Variants in GPC5 observed in about 807,000 individuals in gnomAD.
GPC5 encodes glypican 5.
GPC5 carries 47 observed loss-of-function variants against 53.9 expected under a neutral mutation model. The ratio of observed to expected loss-of-function variants is 0.87; its 90% confidence interval spans 0.69 to 1.11. The LOEUF is 1.11. GPC5 is among the 50% of genes most tolerant of loss of function. GPC5 has a pLI of 0.00. For synonymous variants in GPC5, 286 were observed against 263.3 expected, an observed-to-expected ratio of 1.09 and a Z score of -0.84; for missense variants, 748 against 713.1, an observed-to-expected ratio of 1.05 and a Z score of -0.56.
chr13:91,974,275 T>C (rs996583596), intron 6 of GPC5, among the ~76,000 whole-genome samples: 7 of 152,134 alleles, frequency 4.6e-5, no homozygotes, highest in Non-Finnish European at 1.0e-4. Flanking sequence ...CCAGGGCAAT[T>C]AGGCAGGAGA....
At chr13:91,532,552 A>G (rs1886399525) in intron 2 of GPC5, among the ~76,000 whole-genome samples, 1 of 152,136 alleles carries the variant, frequency 6.6e-6, no homozygotes, top group African/African-American at 2.4e-5. Flanking sequence ...TTAGTTGGTA[A>G]GGAAAAATAA....
intron 7 of GPC5, among the ~76,000 whole-genome samples, chr13:92,654,360 A>G (rs1886057854): frequency 6.6e-6 from 1 of 152,200 alleles, no homozygotes; most frequent in Admixed American, 6.5e-5. Context: ...TGTCAGATAG[A>G]GTCCTTATTC....
chr13:91,415,051 G>GT (rs1878089756), intron 1 of GPC5, among the ~76,000 whole-genome samples: 1 of 152,172 alleles, frequency 6.6e-6, no homozygotes, highest in African/African-American at 2.4e-5. Flanking sequence ...CCTATCCACT[G>GT]TTTCCTACCT....
chr13:91,650,566 GAAAAGTA>G (rs1278468760), intron 2 of GPC5, among the ~76,000 whole-genome samples: 1 of 151,906 alleles, frequency 6.6e-6, no homozygotes, highest in Non-Finnish European at 1.5e-5. Context: ...AAACTTTGAA[GAAAAGTA>G]AAATTTCCTG....
At chr13:91,665,505 C>CTTTT (rs371605806) in intron 2 of GPC5, among the ~76,000 whole-genome samples, 270 of 146,090 alleles carry the variant, frequency 1.8e-3, no homozygotes, top group African/African-American at 6.9e-3. Flanking sequence ...AAAAGCCAGT[C>CTTTT]TTTTTTTTTT....
chr13:91,715,747 GTT>G (rs35613083), intron 3 of GPC5, among the ~76,000 whole-genome samples: 3 of 100,134 alleles, frequency 3.0e-5, no homozygotes, highest in African/African-American at 7.3e-5. Context: ...TCTTGAAGTT[GTT>G]TTTTTTTTTT....
chr13:92,629,314 G>A (rs1187853005), intron 7 of GPC5, among the ~76,000 whole-genome samples: 1 of 152,206 alleles, frequency 6.6e-6, no homozygotes, highest in East Asian at 1.9e-4. Flanking sequence ...AGACAAGGGT[G>A]TTGAAGATAT....
At chr13:91,437,521 C>G (rs914198235) in intron 1 of GPC5, among the ~76,000 whole-genome samples, 3 of 152,206 alleles carry the variant, frequency 2.0e-5, no homozygotes, top group Non-Finnish European at 2.9e-5. Context: ...GGCCCCCACT[C>G]TCTTCTGGCT....
chr13:92,616,065 C>A (rs1423928378), intron 7 of GPC5, among the ~76,000 whole-genome samples: 1 of 152,046 alleles, frequency 6.6e-6, no homozygotes, highest in African/African-American at 2.4e-5. Context: ...AAAAATCAAA[C>A]AAACAAACAA....
At chr13:92,663,100 A>G (rs542756698) in intron 7 of GPC5, among the ~76,000 whole-genome samples, 3 of 152,302 alleles carry the variant, frequency 2.0e-5, no homozygotes, top group African/African-American at 7.2e-5. Flanking sequence ...TGGGATTTGC[A>G]AAGTCCTGTG....
intron 7 of GPC5, among the ~76,000 whole-genome samples, chr13:92,663,436 A>G (rs1327793846): frequency 6.6e-6 from 1 of 151,600 alleles, no homozygotes; most frequent in African/African-American, 2.4e-5. Flanking sequence ...TATCTAGTTT[A>G]TCTGTCAAAG....
intron 7 of GPC5, among the ~76,000 whole-genome samples, chr13:92,312,075 G>T (rs1051732178): frequency 6.6e-6 from 1 of 152,090 alleles, no homozygotes; most frequent in African/African-American, 2.4e-5. Flanking sequence ...AAAGGGTTTT[G>T]ATCTTTATTT....
intron 5 of GPC5, among the ~76,000 whole-genome samples, chr13:91,840,738 C>G (rs1482815475): frequency 3.3e-5 from 5 of 149,722 alleles, no homozygotes; most frequent in African/African-American, 1.2e-4. Context: ...ACATAAGTTC[C>G]TATTTTTATT....
At chr13:91,423,800 T>C (rs1009446739) in intron 1 of GPC5, among the ~76,000 whole-genome samples, 2 of 152,260 alleles carry the variant, frequency 1.3e-5, no homozygotes, top group African/African-American at 4.8e-5. Context: ...TATTCCACAA[T>C]GTATACAGGT....
intron 6 of GPC5, among the ~76,000 whole-genome samples, chr13:92,110,113 T>G (rs2041545207): frequency 6.6e-6 from 1 of 152,178 alleles, no homozygotes; most frequent in Non-Finnish European, 1.5e-5. Context: ...TGGGAAAAGC[T>G]GCAGACTGAC....
chr13:92,833,735 T>C (rs1278014897), intron 7 of GPC5, among the ~76,000 whole-genome samples: 1 of 152,148 alleles, frequency 6.6e-6, no homozygotes, highest in Non-Finnish European at 1.5e-5. Flanking sequence ...GACAAGGAGA[T>C]CACAGACAGC....
chr13:91,672,477 T>C (rs2139681440), intron 2 of GPC5, among the ~76,000 whole-genome samples: 1 of 151,834 alleles, frequency 6.6e-6, no homozygotes, highest in South Asian at 2.1e-4. Flanking sequence ...AACAAACATA[T>C]GAAGAAAAGC....
At chr13:92,531,268 T>G (rs1881554533) in intron 7 of GPC5, among the ~76,000 whole-genome samples, 1 of 152,142 alleles carries the variant, frequency 6.6e-6, no homozygotes. Flanking sequence ...GTAAGAATAT[T>G]GTCACAACAG....
chr13:92,416,680 G>A (rs1304594295), intron 7 of GPC5, among the ~76,000 whole-genome samples: 1 of 152,106 alleles, frequency 6.6e-6, no homozygotes, highest in Non-Finnish European at 1.5e-5. Context: ...TATTAGATAT[G>A]ACATCAAAAG....
Sources: gnomAD v4.1 joint callset for allele counts (sites outside exome capture counted in the v4.1 genomes callset) on GRCh38, gnomAD v4.1.1 for gene constraint, MANE v1.5 for transcripts, NCBI Gene and HGNC (gene_info 2026-07-23, HGNC 2026-07-21) for gene names.